Variants in STK25 observed in about 807,000 individuals in gnomAD.
STK25 encodes serine/threonine kinase 25, also known as serine/threonine-protein kinase 25.
Under a neutral mutation model 53.8 loss-of-function variants are expected in STK25, and 29 were observed. That is an observed-to-expected ratio of 0.54 (90% confidence interval 0.40 to 0.74). STK25 has a LOEUF of 0.74. Among genes scored for constraint, STK25 ranks in the 30% least tolerant of loss-of-function variants. The probability of loss-of-function intolerance (pLI) is 0.00; values close to 1 mark genes in which losing one functional copy is unlikely to be tolerated. For missense variants in STK25, 420 were observed against 568.0 expected, an observed-to-expected ratio of 0.74 and a Z score of 2.65; for synonymous variants, 247 against 238.3, an observed-to-expected ratio of 1.04 and a Z score of -0.33.
In STK25 at chr2:241,495,533, G is replaced by C; in HGVS notation, c.*129C>G. ...GTGACCTGGTGACCTGGCATGTGAG[G>C]CCCACGGGATCCGACGTGTCCCTGC... On this transcript the variant is annotated 3_prime_UTR_variant, in exon 12 of 12. Coordinates refer to ENST00000316586, the MANE Select transcript of STK25 (RefSeq NM_001271977.2). 1.0e-6 allele frequency: 1 copy of C among 959,586 alleles called. No homozygotes were observed. The highest frequency in any genetic ancestry group is 1.6e-6 in the Non-Finnish European group (1 of 607,880). 59.4% of individuals were successfully genotyped at this position (959,586 alleles called of 1,614,324 possible). A position where few individuals can be genotyped will look rare whatever the true frequency, so the allele number is the denominator to read the frequency against.
At chr2:241,507,139 C>CA (rs945292273) in intron 2 of STK25, among the ~76,000 whole-genome samples, 9 of 152,166 alleles carry the variant, frequency 5.9e-5, no homozygotes, top group African/African-American at 2.2e-4. Flanking sequence ...TAGGTAGAGC[C>CA]AAGGCATCAA....
chr2:241,503,923 A>G (rs1443789126), intron 2 of STK25: 5 of 435,894 alleles, frequency 1.1e-5, no homozygotes, highest in Admixed American at 2.5e-5. Flanking sequence ...AGCTGGCTGA[A>G]GCCAACTGGA....
At position 241,499,653 on chromosome 2, in the gene STK25, TACGACAAATCCCA is replaced by T. The variant is rs547675254; in HGVS notation, c.428-252_428-240del. The T allele has an allele frequency of 1.2e-4, 72 of 599,442 alleles. No individual in the cohort carries two copies. The African/African-American group carries it at 1.3e-3, about 11-fold the overall frequency. 37.1% of individuals were successfully genotyped at this position (599,442 alleles called of 1,614,324 possible). On this transcript the variant is annotated intron_variant, in intron 5 of 11. Coordinates refer to ENST00000316586, the MANE Select transcript of STK25 (RefSeq NM_001271977.2). ...CAGGGCTCTTCCTGCATTTGGCTTT[TACGACAAATCCCA>T]ACGACAAGCGACTTCGCCCACTGGG... is the stretch of plus-strand genomic sequence containing the variant.
Position 241,493,638 on chromosome 2 carries a change from A to G in STK25, c.*2024T>C. 1.7e-6 allele frequency: 1 copy of G among 590,586 alleles called. No homozygotes were observed. The highest frequency in any genetic ancestry group is 2.8e-5 in the East Asian group (1 of 35,154). 36.6% of individuals were successfully genotyped at this position (590,586 alleles called of 1,614,324 possible). Reference sequence around the variant, plus strand: ...GAGATGGCGTCTCCCTCTGTCACTCAGGCTGGAGTGCAGTGATACAATCTT... The same window carrying G: ...GAGATGGCGTCTCCCTCTGTCACTCGGGCTGGAGTGCAGTGATACAATCTT... On this transcript the variant is annotated 3_prime_UTR_variant, in exon 12 of 12. Coordinates refer to ENST00000316586, the MANE Select transcript of STK25 (RefSeq NM_001271977.2).
rs1214098694 is a variant in STK25 at position 241,493,604 on chromosome 2, T to G, written c.*2058A>C. On this transcript the variant is annotated 3_prime_UTR_variant, in exon 12 of 12. Transcript: ENST00000316586. Reference sequence around the variant, plus strand: ...AAAAAACAGCAATGCTTTGTTTTTTTTTTTTTTGGAGATGGCGTCTCCCTC... The same window carrying G: ...AAAAAACAGCAATGCTTTGTTTTTTGTTTTTTTGGAGATGGCGTCTCCCTC... 1.5e-6 allele frequency: 1 copy of G among 648,376 alleles called. No homozygotes were observed. Among genetic ancestry groups the G allele is most frequent in the Non-Finnish European group, 2.6e-6 (1 of 379,876 alleles). 40.2% of individuals were successfully genotyped at this position (648,376 alleles called of 1,614,324 possible).
At chr2:241,502,703 C>T (rs2065584670) in intron 2 of STK25, among the ~76,000 whole-genome samples, 1 of 151,922 alleles carries the variant, frequency 6.6e-6, no homozygotes. Flanking sequence ...CGCACCATCG[C>T]ACTCCAGCCT....
At chr2:241,500,369 T>C in intron 4 of STK25, 88 bp from the exon 5 acceptor site, 2 of 897,158 alleles carry the variant, frequency 2.2e-6, no homozygotes, top group Non-Finnish European at 3.6e-6. Context: ...GGAAGGGCTG[T>C]CCCTGCAGAT....
intron 2 of STK25, among the ~76,000 whole-genome samples, chr2:241,507,113 G>A (rs1295767648): frequency 6.6e-6 from 1 of 152,168 alleles, no homozygotes. Context: ...ACATTTTAGC[G>A]GCGATTCCAA....
At position 241,505,158 on chromosome 2, in the gene STK25, C is replaced by T. The variant is rs577600299; in HGVS notation, c.30+2848G>A. On this transcript the variant is annotated intron_variant, in intron 2 of 11. Coordinates refer to ENST00000316586, the MANE Select transcript of STK25 (RefSeq NM_001271977.2). ...CAGGCTAGTCTCGAACTCCTGACCT[C>T]AGGTGATCTGCAGAAGCAGCCCCTC... 7.9e-5 allele frequency among the ~76,000 whole-genome samples: 12 copies of T among 151,516 alleles called. No individual in the cohort carries two copies. In the South Asian group the frequency reaches 2.3e-3, roughly 29 times the overall value.
intron 9 of STK25, 110 bp from the exon 10 acceptor site, chr2:241,497,797 T>G (rs1016458182): frequency 6.1e-6 from 7 of 1,141,172 alleles, no homozygotes; most frequent in Admixed American, 3.8e-5. Flanking sequence ...GGGAGCAGCC[T>G]GTCGGGGCAC....
chr2:241,499,691 G>C, intron 5 of STK25: 1 of 540,788 alleles, frequency 1.8e-6, no homozygotes, highest in Non-Finnish European at 3.3e-6. Context: ...CGCCCACTGG[G>C]GGCTACCGCA....
chr2:241,499,287 C>T lies in STK25; in HGVS notation c.555G>A (p.Glu185=). The T allele has an allele frequency of 1.2e-6, 2 of 1,614,068 alleles. No individual in the cohort carries two copies. The highest frequency in any genetic ancestry group is 8.5e-7 in the Non-Finnish European group (1 of 1,180,002). ...AGTCGTAGGCCGACTGCTTGATGAC[C>T]TCAGGTGCCATCCAGAAGGGGGTGC... ...FVGTPFWMAP[E]VIKQSAYDFK... Residue 185 remains glutamate, a synonymous_variant, in exon 6 of 12, where the codon GAG becomes GAA. Coordinates refer to ENST00000316586, the MANE Select transcript of STK25 (RefSeq NM_001271977.2).
At position 241,497,683 on chromosome 2, in the gene STK25, G is replaced by A. The variant is rs202072145; in HGVS notation, c.1037C>T (p.Ala346Val). 99 of 1,613,340 alleles carry A rather than the reference G, an allele frequency of 6.1e-5. No individual in the cohort carries two copies. In the African/African-American group the frequency reaches 7.9e-4, roughly 13 times the overall value. Residue 346 changes from alanine to valine, a missense_variant, in exon 10 of 12, where the codon GCG (alanine) becomes GTG (valine). By Grantham distance (64) the Ala-to-Val change is moderately conservative. Transcript: ENST00000316586. ...GTALHSSQKPAEPVKRQPRSQ... is the reference protein window; with the variant it reads ...GTALHSSQKPVEPVKRQPRSQ... ...CCTCGGCTGCCTCTTGACGGGCTCC[G>A]CAGGCTGCAAAGGAGTGGAGGCCCA... is the stretch of plus-strand genomic sequence containing the variant.
chr2:241,501,330 A>G lies in STK25; in HGVS notation c.261+148T>C. The G allele has an allele frequency of 1.3e-6, 1 of 784,136 alleles. No homozygotes were observed. Among genetic ancestry groups the G allele is most frequent in the African/African-American group, 1.7e-5 (1 of 58,878 alleles). The allele number at this position is 784,136 out of a possible 1,614,324, so 48.6% of individuals were successfully genotyped here. On this transcript the variant is annotated intron_variant, in intron 3 of 11. Transcript: ENST00000316586. This position sits in a 1 kb window ranked among gnomAD's most constrained non-coding sequence, Gnocchi z 5.3. ...CTGACCCTCGTGGACGAGGGCTCAC[A>G]CCCTGCCTGCCCAGGGCAGTTTCCC...
Position 241,494,890 on chromosome 2 carries a change from C to A in STK25, c.*772G>T, listed in dbSNP as rs185302165. ...TGTTCTTCCGGTGGGCCAAGCAGAG[C>A]CCAGGAATCCGTCACAGGGAAGTTT... On this transcript the variant is annotated 3_prime_UTR_variant, in exon 12 of 12. Coordinates refer to ENST00000316586, the MANE Select transcript of STK25 (RefSeq NM_001271977.2). This position sits in a 1 kb window ranked among gnomAD's most constrained non-coding sequence, Gnocchi z 4.9. 5.9e-5 allele frequency: 9 copies of A among 152,222 alleles called. No homozygotes were observed. Among genetic ancestry groups the A allele is most frequent in the Admixed American group, 3.9e-4 (6 of 15,290 alleles). The allele number at this position is 152,222 out of a possible 1,614,324, so 9.4% of individuals were successfully genotyped here.
Position 241,493,541 on chromosome 2 carries a change from C to T in STK25, c.*2121G>A. On this transcript the variant is annotated 3_prime_UTR_variant, in exon 12 of 12. Coordinates refer to ENST00000316586, the MANE Select transcript of STK25 (RefSeq NM_001271977.2). ...GTGGTGGAGGCAAGTTTTCTGGGCC[C>T]TGGAAAGGAAGGGCTGAGCAATGCT... is the stretch of plus-strand genomic sequence containing the variant. 2 of 1,169,538 alleles carry T rather than the reference C, an allele frequency of 1.7e-6. No individual in the cohort carries two copies. The highest frequency in any genetic ancestry group is 1.3e-6 in the Non-Finnish European group (1 of 792,742). 72.4% of individuals were successfully genotyped at this position (1,169,538 alleles called of 1,614,324 possible).
At position 241,493,601 on chromosome 2, in the gene STK25, T is replaced by C. The variant is rs1368251859; in HGVS notation, c.*2061A>G. The C allele has an allele frequency of 1.6e-6, 1 of 644,508 alleles. No individual in the cohort carries two copies. Among genetic ancestry groups the C allele is most frequent in the South Asian group, 2.0e-5 (1 of 50,840 alleles). 39.9% of individuals were successfully genotyped at this position (644,508 alleles called of 1,614,324 possible). ...TCCAAAAAACAGCAATGCTTTGTTT[T>C]TTTTTTTTTTGGAGATGGCGTCTCC... On this transcript the variant is annotated 3_prime_UTR_variant, in exon 12 of 12. Transcript: ENST00000316586.
Position 241,495,568 on chromosome 2 carries a change from A to G in STK25, c.*94T>C. On this transcript the variant is annotated 3_prime_UTR_variant, in exon 12 of 12. Transcript: ENST00000316586. ...TCCGACGTGTCCCTGCAGGCACGAC[A>G]TAGCACAGGGCACCTTCCAAGTCAG... The G allele has an allele frequency of 6.9e-7, 1 of 1,443,186 alleles. No individual in the cohort carries two copies. Among genetic ancestry groups the G allele is most frequent in the Non-Finnish European group, 9.7e-7 (1 of 1,025,892 alleles). 89.4% of individuals were successfully genotyped at this position (1,443,186 alleles called of 1,614,324 possible). A position where few individuals can be genotyped will look rare whatever the true frequency, so the allele number is the denominator to read the frequency against.
At chr2:241,497,592 G>A (rs1188182782) in intron 10 of STK25, 24 bp downstream of exon 10, 2 of 1,610,832 alleles carry the variant, frequency 1.2e-6, no homozygotes, top group South Asian at 1.1e-5. Flanking sequence ...GGGACTCCAG[G>A]CCCAGTCCCA....
Sources: gnomAD v4.1 joint callset for allele counts (sites outside exome capture counted in the v4.1 genomes callset) on GRCh38, gnomAD v4.1.1 for gene constraint, Gnocchi (gnomAD v3.1) non-coding constraint, MANE v1.5 for transcripts, NCBI Gene and HGNC (gene_info 2026-07-23, HGNC 2026-07-21) for gene names.